The following TLR3 variants were observed in gnomAD, a reference collection of about 807,000 sequenced individuals.
TLR3 encodes toll like receptor 3.
In TLR3, 43 loss-of-function variants were observed where a neutral mutation model predicts 66.4. The ratio of observed to expected loss-of-function variants is 0.65; its 90% CI spans 0.51 to 0.83. The LOEUF (loss-of-function observed/expected upper bound fraction) is 0.83, where lower values mean the gene tolerates loss of function less well. TLR3 is among the 40% of genes least tolerant of loss of function. The pLI is 0.00. For missense variants in TLR3, 982 were observed against 1,044.6 expected (o/e 0.94, Z 0.83); for synonymous variants, 397 against 397.2 (o/e 1.00, Z 0.01).
In TLR3 at chr4:186,083,181, C is replaced by A. The variant is rs769990022; in HGVS notation, c.1495C>A (p.Pro499Thr). 2 of 1,614,232 alleles carry A rather than the reference C, an allele frequency of 1.2e-6. No individual in the cohort carries two copies. Among genetic ancestry groups the A allele is most frequent in the East Asian group, 2.2e-5 (1 of 44,888 alleles). The change falls in exon 4 of 5, where the codon CCT becomes ACT. Residue 499 changes from proline (P) to threonine (T), a missense_variant. Pro to Thr is a conservative substitution (Grantham distance 38). Around this residue, in one of 3 missense-constraint regions of TLR3, gnomAD observed 666 missense variants for 709.0 expected, o/e 0.94. Transcript: ENST00000296795. This position sits in a 1 kb window ranked among gnomAD's most constrained non-coding sequence, Gnocchi z 4.0. ...RVALKNVDSSPSPFQPLRNLT... is the reference protein window; with the variant it reads ...RVALKNVDSSTSPFQPLRNLT... ...GGCCCTTAAAAATGTGGATAGCTCTCCTTCACCATTCCAGCCTCTTCGTAA... is the reference window on the plus strand; with the variant it reads ...GGCCCTTAAAAATGTGGATAGCTCTACTTCACCATTCCAGCCTCTTCGTAA...
At position 186,079,040 on chromosome 4, in the gene TLR3, T is replaced by C. The variant is rs781203439; in HGVS notation, c.633+9T>C. 1.2e-5 allele frequency: 20 copies of C among 1,608,658 alleles called. No individual in the cohort carries two copies. In the South Asian group the frequency reaches 2.1e-4, roughly 17 times the overall value. ...CGAATCAAATTAAAGAGGTAAGAAG[T>C]AAGGTAAAATTATTTTGCATTCTGC... On this transcript the variant is annotated intron_variant, in intron 3 of 4. Transcript: ENST00000296795.
chr4:186,084,529 G>GA (rs79940800), intron 4 of TLR3, 116 bp from the exon 5 acceptor site: 192,531 of 625,620 alleles, frequency 0.31, 13,518 homozygotes, highest in East Asian at 0.36. Flanking sequence ...ATAAAATTAA[G>GA]AAAAAAAAAA....
chr4:186,077,363 C>A (rs2099302618), intron 2 of TLR3, among the ~76,000 whole-genome samples: 1 of 152,160 alleles, frequency 6.6e-6, no homozygotes, highest in African/African-American at 2.4e-5. Context: ...GGAAACTAAA[C>A]TTTCAATGCT....
chr4:186,082,327 C>T lies in TLR3; in HGVS notation c.641C>T (p.Pro214Leu). ...TTTTTTTCCTACCTTTAGTTTTCTC[C>T]AGGGTGTTTTCACGCAATTGGAAGA... ...LSSNQIKEFSPGCFHAIGRLF... is the reference protein window; with the variant it reads ...LSSNQIKEFSLGCFHAIGRLF... Residue 214 changes from proline to leucine, a missense_variant, in exon 4 of 5, where the codon CCA becomes CTA. Transcript: ENST00000296795. 2 of 1,587,668 alleles carry T rather than the reference C, an allele frequency of 1.3e-6. No individual in the cohort carries two copies. Among genetic ancestry groups the T allele is most frequent in the Non-Finnish European group, 1.7e-6 (2 of 1,164,368 alleles).
chr4:186,087,897 G>A lies in TLR3; in HGVS notation c.*3024G>A, dbSNP rs2099304624. 1 of 152,184 alleles carries A rather than the reference G, an allele frequency of 6.6e-6. No individual in the cohort carries two copies. The highest frequency in any genetic ancestry group is 1.5e-5 in the Non-Finnish European group (1 of 68,036). 9.4% of individuals were successfully genotyped at this position (152,184 alleles called of 1,614,324 possible). A position where few individuals can be genotyped will look rare whatever the true frequency, so the allele number is the denominator to read the frequency against. Reference sequence around the variant, plus strand: ...AGGAATGGGGAGTGGCTGCAAATAGGTGGAAGAGACCTTTTTTGGGTGATG... The same window carrying A: ...AGGAATGGGGAGTGGCTGCAAATAGATGGAAGAGACCTTTTTTGGGTGATG... On this transcript the variant is annotated 3_prime_UTR_variant, in exon 5 of 5. Transcript: ENST00000296795.
rs1221000109 is a variant in TLR3, at chr4:186,076,776, A to G, written c.157A>G (p.Ile53Val). The G allele has an allele frequency of 2.5e-6, 4 of 1,614,066 alleles. No homozygotes were observed. The highest frequency in any genetic ancestry group is 2.2e-5 in the East Asian group (1 of 44,892). Reference protein sequence around the residue: ...TQVPDDLPTNITVLNLTHNQL... With the variant: ...TQVPDDLPTNVTVLNLTHNQL... ...GGTACCCGATGATCTACCCACAAAC[A>G]TAACAGTGTTGAACCTTACCCATAA... Residue 53 changes from isoleucine (I) to valine (V), a missense_variant, in exon 2 of 5, where the codon ATA becomes GTA. Around this residue, in one of 3 missense-constraint regions of TLR3, gnomAD observed 313 missense variants for 319.0 expected, o/e 0.98. Transcript: ENST00000296795.
In TLR3 at chr4:186,076,496, T is replaced by A; in HGVS notation, c.-7-117T>A. On this transcript the variant is annotated intron_variant, in intron 1 of 4. Transcript: ENST00000296795. ...TACTTGTATGGCATAAAACTATGAG[T>A]AATAACATCATACATGGTCATATTT... 3 of 978,816 alleles carry A rather than the reference T, an allele frequency of 3.1e-6. No individual in the cohort carries two copies. In the South Asian group the frequency reaches 4.0e-5, roughly 13 times the overall value. 60.6% of individuals were successfully genotyped at this position (978,816 alleles called of 1,614,324 possible). A position where few individuals can be genotyped will look rare whatever the true frequency, so the allele number is the denominator to read the frequency against.
Position 186,077,299 on chromosome 4 carries a change from C to T in TLR3, c.441+239C>T, listed in dbSNP as rs146309386. 2.4e-3 allele frequency among the ~76,000 whole-genome samples: 365 copies of T among 152,218 alleles called. 1 individual carries two copies. Among genetic ancestry groups the T allele is most frequent in the Non-Finnish European group, 4.4e-3 (298 of 68,006 alleles). ...TCTCCCATTAGAAATAGAACTTAGA[C>T]GCAAGAGATAGAAGTAATGAACAGA... is the stretch of plus-strand genomic sequence containing the variant. On this transcript the variant is annotated intron_variant, in intron 2 of 4. Coordinates refer to ENST00000296795, the MANE Select transcript of TLR3 (RefSeq NM_003265.3).
In TLR3 at chr4:186,082,603, A is replaced by T. The variant is rs372310777; in HGVS notation, c.917A>T (p.Glu306Val). Residue 306 changes from glutamate (E) to valine (V), a missense_variant, in exon 4 of 5, where the codon GAG becomes GTG. Glu to Val is a moderately radical substitution (Grantham distance 121). Transcript: ENST00000296795. The part of the protein sequence containing the change: ...WLPQLEYFFL[E>V]YNNIQHLFSH... ...CCACAACTAGAATATTTCTTCCTAG[A>T]GTATAATAATATACAGCATTTGTTT... 6.2e-7 allele frequency: 1 copy of T among 1,614,184 alleles called. No homozygotes were observed. The highest frequency in any genetic ancestry group is 2.2e-5 in the East Asian group (1 of 44,880).
In TLR3 at chr4:186,083,402, C is replaced by T. The variant is rs140712645; in HGVS notation, c.1716C>T (p.Asn572=). The change falls in exon 4 of 5, where the codon AAC becomes AAT. Residue 572 remains asparagine (N), a synonymous_variant. Coordinates refer to ENST00000296795, the MANE Select transcript of TLR3 (RefSeq NM_003265.3). This position sits in a 1 kb window ranked among gnomAD's most constrained non-coding sequence, Gnocchi z 4.0. ...TCCACATCCTTAACTTGGAGTCCAA[C>T]GGCTTTGACGAGATCCCAGTTGAGG... The part of the protein sequence containing the change: ...SHLHILNLES[N]GFDEIPVEVF... 103 of 1,614,014 alleles carry T rather than the reference C, an allele frequency of 6.4e-5. No homozygotes were observed. The highest frequency in any genetic ancestry group is 3.2e-4 in the Admixed American group (19 of 59,998).
chr4:186,082,919 A>C lies in TLR3; in HGVS notation c.1233A>C (p.Ile411=). 1.2e-6 allele frequency: 2 copies of C among 1,614,122 alleles called. No homozygotes were observed. Among genetic ancestry groups the C allele is most frequent in the Non-Finnish European group, 1.7e-6 (2 of 1,180,026 alleles). Residue 411 remains isoleucine (I), a synonymous_variant, in exon 4 of 5, where the codon ATA becomes ATC. Coordinates refer to ENST00000296795, the MANE Select transcript of TLR3 (RefSeq NM_003265.3). ...FVSLAHSPLH[I]LNLTKNKISK... ...CACTTGCTCATTCTCCCTTACACAT[A>C]CTCAACCTAACCAAGAATAAAATCT...
At position 186,086,055 on chromosome 4, in the gene TLR3, G is replaced by T. The variant is rs1223625846; in HGVS notation, c.*1182G>T. The T allele has an allele frequency of 6.6e-6, 1 of 152,042 alleles. No homozygotes were observed. The highest frequency in any genetic ancestry group is 1.5e-5 in the Non-Finnish European group (1 of 68,038). The allele number at this position is 152,042 out of a possible 1,614,324, so 9.4% of individuals were successfully genotyped here. ...ATTTTTGTATTTTTAGTAGAGATGG[G>T]GTTTCACCATGTTGGCCAGGCTGGT... On this transcript the variant is annotated 3_prime_UTR_variant, in exon 5 of 5. Transcript: ENST00000296795.
chr4:186,078,834 C>T lies in TLR3; in HGVS notation c.442-6C>T. 1 of 1,612,814 alleles carries T rather than the reference C, an allele frequency of 6.2e-7. No homozygotes were observed. The highest frequency in any genetic ancestry group is 8.5e-7 in the Non-Finnish European group (1 of 1,179,256). On this transcript the variant is annotated splice_polypyrimidine_tract_variant and splice_region_variant and intron_variant, in intron 2 of 4. Transcript: ENST00000296795. ...CTAACATATGCATATTATTTTTTCC[C>T]TTCAGAATTTAATCACATTAGATCT...
chr4:186,076,593 T>G lies in TLR3; in HGVS notation c.-7-20T>G. On this transcript the variant is annotated intron_variant, in intron 1 of 4. Transcript: ENST00000296795. ...CTGCTATTAATGTTGCTCATACTTT[T>G]TAATGTTTCTTTTCTACAGCAGAAT... 6.2e-7 allele frequency: 1 copy of G among 1,612,038 alleles called. No individual in the cohort carries two copies. The highest frequency in any genetic ancestry group is 8.5e-7 in the Non-Finnish European group (1 of 1,178,142).
chr4:186,071,163 C>T (rs373360610), intron 1 of TLR3, among the ~76,000 whole-genome samples: 2 of 152,158 alleles, frequency 1.3e-5, no homozygotes, highest in East Asian at 1.9e-4. Flanking sequence ...GGTTGCAATT[C>T]TGAAATTTCA....
intron 1 of TLR3, among the ~76,000 whole-genome samples, chr4:186,070,676 C>T (rs1264607468): frequency 6.6e-6 from 1 of 151,798 alleles, no homozygotes; most frequent in African/African-American, 2.4e-5. Flanking sequence ...GCATGAGCCA[C>T]AGGTAATTTT....
chr4:186,082,362 C>G lies in TLR3; in HGVS notation c.676C>G (p.Leu226Val), dbSNP rs1276365303. ...CFHAIGRLFG[L>V]FLNNVQLGPS... Reference sequence around the variant, plus strand: ...TCACGCAATTGGAAGATTATTTGGCCTCTTTCTGAACAATGTCCAGCTGGG... The same window carrying G: ...TCACGCAATTGGAAGATTATTTGGCGTCTTTCTGAACAATGTCCAGCTGGG... The change falls in exon 4 of 5, where the codon CTC (leucine) becomes GTC (valine). Residue 226 changes from leucine (L) to valine (V), a missense_variant. By Grantham distance (32) the Leu-to-Val change is conservative (BLOSUM62 1). Coordinates refer to ENST00000296795, the MANE Select transcript of TLR3 (RefSeq NM_003265.3). 2.6e-5 allele frequency: 42 copies of G among 1,612,704 alleles called. No individual in the cohort carries two copies. Among genetic ancestry groups the G allele is most frequent in the Non-Finnish European group, 3.6e-5 (42 of 1,179,706 alleles).
chr4:186,076,263 GAAATGAGT>G (rs1250270065), intron 1 of TLR3, among the ~76,000 whole-genome samples: 1 of 152,166 alleles, frequency 6.6e-6, no homozygotes, highest in Non-Finnish European at 1.5e-5. Context: ...TCTTTATAGT[GAAATGAGT>G]AAATGAAGAA....
chr4:186,078,758 T>C (rs2099302890), intron 2 of TLR3, 82 bp from the exon 3 acceptor site: 2 of 1,160,010 alleles, frequency 1.7e-6, no homozygotes, highest in Non-Finnish European at 2.5e-6. Flanking sequence ...GCTGTTGAAG[T>C]ATTTTTCAGA....
Sources: allele counts gnomAD v4.1 joint callset (sites outside exome capture counted in the v4.1 genomes callset), GRCh38; gene constraint gnomAD v4.1.1; regional missense constraint gnomAD v4.1.1; non-coding constraint Gnocchi (gnomAD v3.1); transcripts MANE v1.5; gene names NCBI Gene and HGNC (gene_info 2026-07-23, HGNC 2026-07-21).